CFAP46: variants seen among roughly 807,000 people sequenced by gnomAD.
CFAP46 encodes the protein cilia and flagella associated protein 46.
Under a neutral mutation model 325.7 loss-of-function variants are expected in CFAP46, and 245 were observed. That is an observed-to-expected ratio of 0.75 (90% CI 0.68 to 0.84). CFAP46 has a LOEUF of 0.84. Among genes scored for constraint, CFAP46 ranks in the 40% least tolerant of loss-of-function variants. The pLI, the probability that CFAP46 is intolerant of heterozygous loss-of-function variation, is 0.00. For missense variants in CFAP46, 3,346 were observed against 3,543.0 expected, an observed-to-expected ratio of 0.94 and a Z score of 1.41; for synonymous variants, 1,523 against 1,495.9, an observed-to-expected ratio of 1.02 and a Z score of -0.42.
intron 21 of CFAP46, 40 bp from the exon 22 acceptor site, chr10:132,908,674 A>G: frequency 6.7e-7 from 1 of 1,491,176 alleles, no homozygotes; most frequent in Admixed American, 2.2e-5. Flanking sequence ...CGTGTTAGCA[A>G]CAACGAACTT....
chr10:132,851,186 C>T lies in CFAP46; in HGVS notation c.5694G>A (p.Glu1898=). ...IWEEAHGQQS[E]QGSLEKLLAD... ...CCAGCAGCTTCTCCAGGGACCCCTG[C>T]TCACTCTGCTGCCCGTGGGCCTCCT... The change falls in exon 40 of 58, where the codon GAG becomes GAA. Residue 1898 remains glutamate (E), a synonymous_variant. Transcript: ENST00000368586. 1 of 1,614,152 alleles carries T rather than the reference C, an allele frequency of 6.2e-7. No individual in the cohort carries two copies. The highest frequency in any genetic ancestry group is 8.5e-7 in the Non-Finnish European group (1 of 1,180,050).
At chr10:132,910,952 C>T (rs890899560) in intron 19 of CFAP46, among the ~76,000 whole-genome samples, 1 of 152,260 alleles carries the variant, frequency 6.6e-6, no homozygotes, top group South Asian at 2.1e-4. Context: ...GGCTTCCTCA[C>T]ACTCTCCGCC....
chr10:132,884,282 G>T lies in CFAP46; in HGVS notation c.3627+821C>A, dbSNP rs957357010. ...TGGCTCCCCACGGTGGTACCCAGGCGTCTGCCTTGATCACCCAGTGCCCTG... is the reference window on the plus strand; with the variant it reads ...TGGCTCCCCACGGTGGTACCCAGGCTTCTGCCTTGATCACCCAGTGCCCTG... On this transcript the variant is annotated intron_variant, in intron 27 of 57. Coordinates refer to ENST00000368586, the MANE Select transcript of CFAP46 (RefSeq NM_001200049.3). This position sits in a 1 kb window ranked among gnomAD's most constrained non-coding sequence, Gnocchi z 5.4. Among the ~76,000 whole-genome samples, 1 of 152,106 alleles carries T rather than the reference G, an allele frequency of 6.6e-6. No individual in the cohort carries two copies. The highest frequency in any genetic ancestry group is 1.9e-4 in the East Asian group (1 of 5,162).
In CFAP46 at chr10:132,809,941, C is replaced by CT. The variant is rs575398988; in HGVS notation, c.7664+467dup. Among the ~76,000 whole-genome samples the CT allele has an allele frequency of 1.2e-4, 19 of 152,358 alleles. No individual in the cohort carries two copies. The East Asian group carries it at 3.7e-3, about 29-fold the overall frequency. ...CATGCATTCCTCTTCCGGGAGGCCTCTTCCTGGGCTGGGACTCCTGGTCAT... is the reference window on the plus strand; with the variant it reads ...CATGCATTCCTCTTCCGGGAGGCCTCTTTCCTGGGCTGGGACTCCTGGTCAT... On this transcript the variant is annotated intron_variant, in intron 57 of 57. Transcript: ENST00000368586.
chr10:132,878,046 T>C lies in CFAP46; in HGVS notation c.4047A>G (p.Arg1349=). The C allele has an allele frequency of 6.5e-7, 1 of 1,548,670 alleles. No individual in the cohort carries two copies. The highest frequency in any genetic ancestry group is 1.2e-5 in the South Asian group (1 of 83,430). The change falls in exon 30 of 58, where the codon AGA becomes AGG. Residue 1349 remains arginine (R), a synonymous_variant. Coordinates refer to ENST00000368586, the MANE Select transcript of CFAP46 (RefSeq NM_001200049.3). ...GATGTGAGCTGGTTGCTGCCAGGGG[T>C]CTGTTTTCCAGAACTGATTTTCCTG... The part of the protein sequence containing the change: ...MTAGKSVLEN[R]PLAATSSHLL...
chr10:132,810,972 T>G lies in CFAP46; in HGVS notation c.7561A>C (p.Met2521Leu). The G allele has an allele frequency of 2.5e-6, 4 of 1,606,684 alleles. No homozygotes were observed. The highest frequency in any genetic ancestry group is 3.4e-6 in the Non-Finnish European group (4 of 1,176,696). Residue 2521 changes from methionine to leucine, a missense_variant, in exon 56 of 58, where the codon ATG becomes CTG. Met to Leu is a conservative substitution (Grantham distance 15). Transcript: ENST00000368586. ...ARSYQSLKRH[M>L]ESVEHRRSVG... is the part of the protein sequence containing the mutation. ...CACCTCCTGTGCTCCACGCTCTCCA[T>G]GTGCCTCTTCAAGCTCTGGTAGGAC...
chr10:132,913,377 GT>G, intron 17 of CFAP46, 119 bp from the exon 18 acceptor site: 4 of 563,792 alleles, frequency 7.1e-6, no homozygotes, highest in Non-Finnish European at 6.2e-6. Context: ...GGAGGGGCGG[GT>G]GGGCGGCGAC....
At chr10:132,875,486 G>A (rs532758625) in intron 31 of CFAP46, among the ~76,000 whole-genome samples, 1 of 152,326 alleles carries the variant, frequency 6.6e-6, no homozygotes, top group African/African-American at 2.4e-5. Context: ...AAATACTCAC[G>A]GTTGTGAAGC....
intron 50 of CFAP46, among the ~76,000 whole-genome samples, chr10:132,821,939 CTGTGTGTGCGCT>C (rs1565035744): frequency 8.9e-6 from 1 of 112,722 alleles, no homozygotes; most frequent in African/African-American, 3.5e-5. Context: ...CTGATGTGTG[CTGTGTGTGCGCT>C]TGTGTGTGCT....
rs756766636 is a variant in CFAP46, at chr10:132,814,734, G to A, written c.7201C>T (p.Arg2401Trp). 75 of 1,613,324 alleles carry A rather than the reference G, an allele frequency of 4.6e-5. No homozygotes were observed. Among genetic ancestry groups the A allele is most frequent in the Middle Eastern group, 3.3e-4 (2 of 6,034 alleles). The part of the protein sequence containing the change: ...AKKGRKGSIP[R>W]TIPPDCIIVD... ...ATGATGCAGTCAGGGGGGATGGTCC[G>A]GGGGATGCTGCCCTGCAACCACAGA... Residue 2401 changes from arginine (R) to tryptophan (W), a missense_variant, in exon 52 of 58, where the codon CGG (arginine) becomes TGG (tryptophan). Physicochemically the swap from Arg to Trp is moderately radical, Grantham distance 101. Coordinates refer to ENST00000368586, the MANE Select transcript of CFAP46 (RefSeq NM_001200049.3).
At chr10:132,915,113 T>C (rs903683089) in intron 17 of CFAP46, among the ~76,000 whole-genome samples, 4 of 152,258 alleles carry the variant, frequency 2.6e-5, no homozygotes, top group African/African-American at 9.6e-5. Context: ...CTCCATATAG[T>C]CTTCACTGTA....
In CFAP46 at chr10:132,899,663, C is replaced by T; in HGVS notation, c.2928G>A (p.Glu976=). The T allele has an allele frequency of 6.5e-7, 1 of 1,548,722 alleles. No homozygotes were observed. The highest frequency in any genetic ancestry group is 8.7e-7 in the Non-Finnish European group (1 of 1,146,078). Residue 976 remains glutamate (E), a synonymous_variant, in exon 23 of 58, where the codon GAG becomes GAA. Transcript: ENST00000368586. ...GIKYLKKFGP[E]ESRLVAEMLC... The stretch of plus-strand genomic sequence containing the variant: ...GCATCTCTGCCACCAGCCGGGACTC[C>T]TCGCTGCAGGAACAGGGCCAGTGAG...
At chr10:132,829,920 CA>C (rs763930076) in intron 50 of CFAP46, among the ~76,000 whole-genome samples, 1 of 152,056 alleles carries the variant, frequency 6.6e-6, no homozygotes, top group Non-Finnish European at 1.5e-5. Context: ...TGTTTTGCTC[CA>C]TTTCCTAACA....
At chr10:132,940,906 A>G in intron 4 of CFAP46, 90 bp downstream of exon 4, 2 of 1,291,488 alleles carry the variant, frequency 1.5e-6, no homozygotes, top group Non-Finnish European at 2.2e-6. Flanking sequence ...GGGAAACCCC[A>G]CAGTTCAAAT....
At chr10:132,861,025 T>A in intron 35 of CFAP46, 43 bp from the exon 36 acceptor site, 1 of 1,534,692 alleles carries the variant, frequency 6.5e-7, no homozygotes, top group Non-Finnish European at 8.8e-7. Context: ...CCTCTACAGA[T>A]GTGTGCAGGC....
chr10:132,872,588 A>G (rs1848908514), intron 32 of CFAP46, 88 bp downstream of exon 32: 1 of 1,411,568 alleles, frequency 7.1e-7, no homozygotes. Flanking sequence ...TTATTTACAC[A>G]GTCAACTACA....
At chr10:132,860,577 T>TACAG in intron 36 of CFAP46, 54 bp from the exon 37 acceptor site, 1 of 1,378,712 alleles carries the variant, frequency 7.3e-7, no homozygotes, top group Non-Finnish European at 1.0e-6. Context: ...CAGGCATGGA[T>TACAG]ACAGGCCTGA....
At chr10:132,893,210 A>G (rs1327665633) in intron 24 of CFAP46, among the ~76,000 whole-genome samples, 2 of 152,244 alleles carry the variant, frequency 1.3e-5, no homozygotes, top group East Asian at 1.9e-4. Flanking sequence ...CACACTGGGC[A>G]TGCGGCCCCT....
intron 44 of CFAP46, among the ~76,000 whole-genome samples, chr10:132,844,932 C>T (rs911818326): frequency 6.6e-6 from 1 of 152,182 alleles, no homozygotes; most frequent in African/African-American, 2.4e-5. Flanking sequence ...TGGCTCACTG[C>T]AGCCTCGAAC....
Sources: allele counts gnomAD v4.1 joint callset (sites outside exome capture counted in the v4.1 genomes callset), GRCh38; gene constraint gnomAD v4.1.1; non-coding constraint Gnocchi (gnomAD v3.1); transcripts MANE v1.5; gene names NCBI Gene and HGNC (gene_info 2026-07-23, HGNC 2026-07-21).